Variants in CHM observed in about 807,000 individuals in gnomAD.
The protein encoded by CHM is CHM Rab escort protein, also known as rab proteins geranylgeranyltransferase component A 1.
A neutral mutation model predicts 49.0 loss-of-function variants in CHM; 10 were observed. That is an observed-to-expected ratio of 0.20 (90% CI 0.13 to 0.35). The LOEUF is 0.35. Ranked by LOEUF, CHM falls within the 10% of genes least tolerant of loss-of-function variation. CHM has a pLI of 1.00. For synonymous variants in CHM, 184 were observed against 167.5 expected (o/e 1.10, Z -0.76); for missense variants, 455 against 478.4 (o/e 0.95, Z 0.46).
intron 11 of CHM, among the ~76,000 whole-genome samples, chrX:85,896,243 T>C (rs1181143175): frequency 9.1e-6 from 1 of 110,482 alleles, no homozygotes; most frequent in Admixed American, 9.7e-5. Flanking sequence ...CTGATCACTC[T>C]GAAGGATATG....
At position 85,894,221 on chromosome X, in the gene CHM, A is replaced by G. The variant is rs773036937; in HGVS notation, c.1477T>C (p.Cys493Arg). The change falls in exon 12 of 15, where the codon TGT (cysteine) becomes CGT (arginine). Residue 493 changes from cysteine (C) to arginine (R), a missense_variant. Cys to Arg is a radical substitution (Grantham distance 180). Transcript: ENST00000357749. The part of the protein sequence containing the change: ...GTFAVRVIEL[C>R]SSTMTCMKGT... ...TTCATGCATGTCATCGTTGAAGAAC[A>G]TAACTCAATGACCCGAACAGCAAAA... 2 of 1,208,835 alleles carry G rather than the reference A, an allele frequency of 1.7e-6. No individual in the cohort carries two copies. The highest frequency in any genetic ancestry group is 3.5e-5 in the African/African-American group (2 of 57,169).
At chrX:85,967,039 C>T (rs1443614396) in intron 4 of CHM, among the ~76,000 whole-genome samples, 1 of 111,835 alleles carries the variant, frequency 8.9e-6, no homozygotes, top group Non-Finnish European at 1.9e-5. Context: ...TGGTGAGATT[C>T]CTAGCACTAC....
chrX:86,009,063 C>T (rs757620549), intron 2 of CHM, among the ~76,000 whole-genome samples: 36 of 112,068 alleles, frequency 3.2e-4, no homozygotes, highest in Non-Finnish European at 6.2e-4. Context: ...AAGCTTTCTT[C>T]AACACTACCC....
Position 86,011,682 on chromosome X carries a change from T to C in CHM, c.116+15809A>G, listed in dbSNP as rs1197324973. On this transcript the variant is annotated intron_variant, in intron 2 of 14. Transcript: ENST00000357749. ...TCTTATATGGCAAAAAGGATTTTGTTAATGCAATTAAGGATCTTCACACGG... is the reference window on the plus strand; with the variant it reads ...TCTTATATGGCAAAAAGGATTTTGTCAATGCAATTAAGGATCTTCACACGG... Among the ~76,000 whole-genome samples, 3 of 111,802 alleles carry C rather than the reference T, an allele frequency of 2.7e-5. No homozygotes were observed. The Admixed American group carries it at 2.9e-4, about 11-fold the overall frequency.
chrX:85,870,844 G>A (rs1245043740), intron 14 of CHM, among the ~76,000 whole-genome samples: 1 of 111,536 alleles, frequency 9.0e-6, no homozygotes, highest in East Asian at 2.8e-4. Flanking sequence ...ATTTGAACTT[G>A]TGGGTATTAA....
chrX:86,004,471 T>C (rs923437095), intron 2 of CHM, among the ~76,000 whole-genome samples: 3 of 111,665 alleles, frequency 2.7e-5, no homozygotes, highest in Admixed American at 1.9e-4. Flanking sequence ...GACTGGCAAA[T>C]TGGATAGAGT....
chrX:86,042,766 TG>T (rs1315135120), intron 1 of CHM, among the ~76,000 whole-genome samples: 8 of 109,696 alleles, frequency 7.3e-5, no homozygotes, highest in African/African-American at 2.3e-4. Flanking sequence ...AAGGCTGCAG[TG>T]GGCCATGATT....
intron 2 of CHM, among the ~76,000 whole-genome samples, chrX:86,009,990 T>C (rs1464231821): frequency 7.3e-5 from 8 of 109,850 alleles, no homozygotes; most frequent in African/African-American, 2.7e-4. Flanking sequence ...ATATACAACA[T>C]GGAATACTAT....
intron 1 of CHM, among the ~76,000 whole-genome samples, chrX:86,028,521 C>G (rs1386611883): frequency 9.0e-6 from 1 of 111,602 alleles, no homozygotes; most frequent in Non-Finnish European, 1.9e-5. Context: ...GCTTTAGAAT[C>G]AAACTTAATC....
At chrX:86,034,474 C>T (rs1236507351) in intron 1 of CHM, among the ~76,000 whole-genome samples, 1 of 111,765 alleles carries the variant, frequency 8.9e-6, no homozygotes, top group Non-Finnish European at 1.9e-5. Flanking sequence ...AGCTGTAACA[C>T]CCACATGGTA....
intron 2 of CHM, among the ~76,000 whole-genome samples, chrX:86,007,282 T>C (rs1932881401): frequency 8.9e-6 from 1 of 112,028 alleles, no homozygotes; most frequent in African/African-American, 3.2e-5. Context: ...AAGACTTACA[T>C]GTTAGACCTA....
Position 85,950,726 on chromosome X carries a change from G to C in CHM, c.1166+5427C>G, listed in dbSNP as rs192657099. Among the ~76,000 whole-genome samples the C allele has an allele frequency of 4.1e-4, 46 of 111,654 alleles. No individual in the cohort carries two copies. The East Asian group carries it at 0.011, about 27-fold the overall frequency. On this transcript the variant is annotated intron_variant, in intron 8 of 14. Coordinates refer to ENST00000357749, the MANE Select transcript of CHM (RefSeq NM_000390.4). ...CACAATGTATTTAGTTGAACCATAG[G>C]ATAATGTAGGTCTAAAATGGTTGAA... is the stretch of plus-strand genomic sequence containing the variant.
At chrX:85,913,012 C>CAG (rs1927131663) in intron 8 of CHM, among the ~76,000 whole-genome samples, 1 of 34,567 alleles carries the variant, frequency 2.9e-5, no homozygotes, top group Non-Finnish European at 4.7e-5. Context: ...GACTCCATCT[C>CAG]AGAAAAAAAA....
At chrX:85,931,608 C>A (rs924500149) in intron 8 of CHM, among the ~76,000 whole-genome samples, 1 of 111,318 alleles carries the variant, frequency 9.0e-6, no homozygotes, top group Non-Finnish European at 1.9e-5. Context: ...CTATGAATTT[C>A]ATGCTTCGTT....
At chrX:85,981,934 A>T in intron 2 of CHM, 125 bp from the exon 3 acceptor site, 5 of 553,598 alleles carry the variant, frequency 9.0e-6, no homozygotes, top group Non-Finnish European at 1.5e-5. Context: ...CTGCCTCAAG[A>T]GTTCAAAAGT....
At chrX:86,039,543 T>TACTCAAAAG (rs1377314259) in intron 1 of CHM, among the ~76,000 whole-genome samples, 2 of 94,612 alleles carry the variant, frequency 2.1e-5, no homozygotes, top group Non-Finnish European at 4.1e-5. Context: ...CAGGTGAGAA[T>TACTCAAAAG]ACTCAAAAGA....
At chrX:85,937,138 C>T (rs1162687669) in intron 8 of CHM, among the ~76,000 whole-genome samples, 1 of 108,345 alleles carries the variant, frequency 9.2e-6, no homozygotes, top group African/African-American at 3.4e-5. Flanking sequence ...TGGTTGCGGG[C>T]GCCTGTAGTC....
intron 2 of CHM, among the ~76,000 whole-genome samples, chrX:86,025,552 C>G (rs770826414): frequency 5.4e-4 from 59 of 108,885 alleles, no homozygotes; most frequent in African/African-American, 1.8e-3. Flanking sequence ...CGGCATGCAC[C>G]TGTAGTCCTA....
chrX:85,997,024 G>C (rs780842677), intron 2 of CHM, among the ~76,000 whole-genome samples: 410 of 112,083 alleles, frequency 3.7e-3, no homozygotes, highest in Non-Finnish European at 5.9e-3. Context: ...TTTGGAGAAA[G>C]GCACAGACCT....
Sources: gnomAD v4.1 joint callset for allele counts (sites outside exome capture counted in the v4.1 genomes callset) on GRCh38, gnomAD v4.1.1 for gene constraint, MANE v1.5 for transcripts, NCBI Gene and HGNC (gene_info 2026-07-23, HGNC 2026-07-21) for gene names.